Variants in SEPTIN7 observed in about 807,000 individuals in gnomAD.
SEPTIN7 encodes the protein septin-7.
A neutral mutation model predicts 63.3 loss-of-function variants in SEPTIN7; 10 were observed. The ratio of observed to expected loss-of-function variants is 0.16; its 90% CI spans 0.10 to 0.27. The LOEUF is 0.27. Ranked by LOEUF, SEPTIN7 falls within the 10% of genes least tolerant of loss-of-function variation. The pLI, the probability that SEPTIN7 is intolerant of heterozygous loss-of-function variation, is 1.00. For missense variants in SEPTIN7, 310 were observed against 521.0 expected (o/e 0.59, Z 3.94); for synonymous variants, 131 against 165.3 (o/e 0.79, Z 1.59).
At chr7:35,870,942 A>G (rs754409968) in intron 4 of SEPTIN7, among the ~76,000 whole-genome samples, 1 of 152,110 alleles carries the variant, frequency 6.6e-6, no homozygotes, top group Non-Finnish European at 1.5e-5. Flanking sequence ...ACCTGATAAT[A>G]GACATGTTAT....
chr7:35,848,619 G>A (rs185032145), intron 3 of SEPTIN7, among the ~76,000 whole-genome samples: 216 of 152,224 alleles, frequency 1.4e-3, no homozygotes, highest in Non-Finnish European at 2.5e-3. Flanking sequence ...TATTTAAACC[G>A]TCAATTTCAA....
At chr7:35,802,986 T>C (rs1327387657) in intron 1 of SEPTIN7, among the ~76,000 whole-genome samples, 1 of 152,224 alleles carries the variant, frequency 6.6e-6, no homozygotes, top group African/African-American at 2.4e-5. Flanking sequence ...GACAACATGA[T>C]GGAACCAGGT....
intron 3 of SEPTIN7, among the ~76,000 whole-genome samples, chr7:35,854,560 C>T (rs1040723287): frequency 5.9e-5 from 9 of 152,168 alleles, no homozygotes; most frequent in African/African-American, 1.9e-4. Context: ...ATTGAGAATT[C>T]CTGTAGTACA....
chr7:35,852,723 C>A (rs1374134000), intron 3 of SEPTIN7, among the ~76,000 whole-genome samples: 2 of 152,040 alleles, frequency 1.3e-5, no homozygotes, highest in Non-Finnish European at 2.9e-5. Flanking sequence ...TTTTGGTAAC[C>A]TCTGTGTCAC....
intron 1 of SEPTIN7, among the ~76,000 whole-genome samples, chr7:35,827,000 G>A (rs1783550120): frequency 6.6e-6 from 1 of 152,110 alleles, no homozygotes; most frequent in Non-Finnish European, 1.5e-5. Flanking sequence ...TGTAACCTTA[G>A]AAGGAAGGTT....
chr7:35,808,017 T>C (rs1156882062), intron 1 of SEPTIN7, among the ~76,000 whole-genome samples: 1 of 151,816 alleles, frequency 6.6e-6, no homozygotes, highest in African/African-American at 2.4e-5. Flanking sequence ...GAGACGGGGT[T>C]TCACCATGTT....
intron 11 of SEPTIN7, among the ~76,000 whole-genome samples, chr7:35,893,527 T>TA (rs1322292725): frequency 6.6e-6 from 1 of 152,160 alleles, no homozygotes; most frequent in Non-Finnish European, 1.5e-5. Context: ...CCTAAGTGTG[T>TA]AGTAGGTTAT....
chr7:35,823,037 G>C (rs768288257), intron 1 of SEPTIN7, among the ~76,000 whole-genome samples: 2 of 151,826 alleles, frequency 1.3e-5, no homozygotes, highest in Non-Finnish European at 2.9e-5. Flanking sequence ...TCTCATCTGA[G>C]AGCCATCCTT....
At chr7:35,811,391 TAAAC>T (rs1038520564) in intron 1 of SEPTIN7, among the ~76,000 whole-genome samples, 11 of 152,218 alleles carry the variant, frequency 7.2e-5, no homozygotes, top group Middle Eastern at 3.2e-3. Context: ...ATGATTAACT[TAAAC>T]AAATTAGCCA....
chr7:35,839,910 C>A (rs1784323538), intron 3 of SEPTIN7, among the ~76,000 whole-genome samples: 1 of 152,076 alleles, frequency 6.6e-6, no homozygotes, highest in Admixed American at 6.5e-5. Flanking sequence ...ACCCTTGTTA[C>A]AAATAGCATG....
intron 3 of SEPTIN7, among the ~76,000 whole-genome samples, chr7:35,843,817 A>G (rs145060919): frequency 3.9e-4 from 59 of 152,336 alleles, no homozygotes; most frequent in African/African-American, 1.4e-3. Flanking sequence ...AGAAAGTTTT[A>G]GACTTTGGGG....
the SEPTIN7 span, among the ~76,000 whole-genome samples, chr7:35,913,437 TTC>T: frequency 6.6e-6 from 1 of 152,050 alleles, no homozygotes; most frequent in Non-Finnish European, 1.5e-5. Context: ...CTCTCTTTCT[TTC>T]TTTCTCTTTC....
chr7:35,907,900 A>G (rs1451842487), downstream of SEPTIN7, among the ~76,000 whole-genome samples: 1 of 152,204 alleles, frequency 6.6e-6, no homozygotes, highest in Non-Finnish European at 1.5e-5. Flanking sequence ...TTGTGACTGC[A>G]CACGTTAAGG....
intron 7 of SEPTIN7, among the ~76,000 whole-genome samples, chr7:35,880,611 G>T (rs1305634892): frequency 6.6e-6 from 1 of 151,552 alleles, no homozygotes; most frequent in Non-Finnish European, 1.5e-5. Context: ...TTTTATTCTG[G>T]ATATTTAGTT....
intron 3 of SEPTIN7, among the ~76,000 whole-genome samples, chr7:35,846,276 C>T (rs1784661695): frequency 6.6e-6 from 1 of 152,142 alleles, no homozygotes; most frequent in Admixed American, 6.5e-5. Flanking sequence ...ATACGCTTAG[C>T]CTGCCTCCCA....
intron 12 of SEPTIN7, chr7:35,899,181 T>G (rs1453387217): frequency 1.3e-5 from 2 of 152,168 alleles, no homozygotes; most frequent in African/African-American, 4.8e-5. Context: ...CTATGGGTAA[T>G]CCCAAAATAA....
intron 1 of SEPTIN7, among the ~76,000 whole-genome samples, chr7:35,815,401 A>G (rs986764504): frequency 2.6e-5 from 4 of 152,222 alleles, no homozygotes; most frequent in Admixed American, 6.5e-5. Context: ...TTGCATATGT[A>G]TACTAAAAAC....
Position 35,801,153 on chromosome 7 carries a change from C to T in SEPTIN7, c.-57C>T, listed in dbSNP as rs1439187804. 3 of 1,427,956 alleles carry T rather than the reference C, an allele frequency of 2.1e-6. No homozygotes were observed. Among genetic ancestry groups the T allele is most frequent in the African/African-American group, 1.5e-5 (1 of 66,690 alleles). The allele number at this position is 1,427,956 out of a possible 1,614,324, so 88.5% of individuals were successfully genotyped here. A position where few individuals can be genotyped will look rare whatever the true frequency, so the allele number is the denominator to read the frequency against. On this transcript the variant is annotated 5_prime_UTR_variant, in exon 1 of 14. Transcript: ENST00000350320. ...TACGCTGCGGAATCGGCGTAGGCGC[C>T]TTTGGAGAATCGGCGGGCTGCGCTC...
chr7:35,865,666 T>C (rs1262793215), intron 4 of SEPTIN7, among the ~76,000 whole-genome samples: 2 of 152,220 alleles, frequency 1.3e-5, no homozygotes, highest in African/African-American at 4.8e-5. Context: ...CTTTGATTTC[T>C]AGTGAGGTTG....
Sources: allele counts gnomAD v4.1 joint callset (sites outside exome capture counted in the v4.1 genomes callset), GRCh38; gene constraint gnomAD v4.1.1; transcripts MANE v1.5; gene names NCBI Gene and HGNC (gene_info 2026-07-23, HGNC 2026-07-21).